The following UCHL3 variants were observed in gnomAD, a reference collection of about 807,000 sequenced individuals.
The protein encoded by UCHL3 is ubiquitin carboxyl-terminal hydrolase isozyme L3.
Under a neutral mutation model 35.8 loss-of-function variants are expected in UCHL3, and 22 were observed. The ratio of observed to expected loss-of-function variants is 0.61; its 90% CI spans 0.44 to 0.88. The LOEUF (loss-of-function observed/expected upper bound fraction) is 0.88, where lower values mean the gene tolerates loss of function less well. UCHL3 is among the 40% of genes least tolerant of loss of function. The probability of loss-of-function intolerance (pLI) is 0.00; values close to 1 mark genes in which losing one functional copy is unlikely to be tolerated. For missense variants in UCHL3, 229 were observed against 276.9 expected (o/e 0.83, Z 1.23); for synonymous variants, 90 against 92.8 (o/e 0.97, Z 0.17).
chr13:75,605,714 T>G lies in UCHL3; in HGVS notation c.610-15T>G. 6.2e-7 allele frequency: 1 copy of G among 1,610,340 alleles called. No homozygotes were observed. Among genetic ancestry groups the G allele is most frequent in the Non-Finnish European group, 8.5e-7 (1 of 1,178,482 alleles). On this transcript the variant is annotated splice_polypyrimidine_tract_variant and intron_variant, in intron 8 of 8. Transcript: ENST00000377595. The stretch of plus-strand genomic sequence containing the variant: ...TTTTACACTGAAAAATCATACTTTT[T>G]TTTTTCCTCCATAGGATGCCATAGA...
chr13:75,584,907 A>T (rs532564123), intron 6 of UCHL3, among the ~76,000 whole-genome samples: 55 of 152,258 alleles, frequency 3.6e-4, no homozygotes, highest in African/African-American at 1.1e-3. Context: ...AATTACCCAA[A>T]CTTACTCACA....
intron 5 of UCHL3, among the ~76,000 whole-genome samples, chr13:75,567,551 ATT>A (rs371007368): frequency 4.7e-5 from 7 of 148,060 alleles, no homozygotes; most frequent in Admixed American, 1.3e-4. Context: ...TGATTTACAA[ATT>A]TTTTTTTTTT....
intron 6 of UCHL3, chr13:75,590,333 C>A: frequency 1.4e-6 from 1 of 735,662 alleles, no homozygotes; most frequent in Non-Finnish European, 1.7e-6. Flanking sequence ...TCCATCTTTC[C>A]ACTCCATATC....
chr13:75,565,500 A>G lies in UCHL3; in HGVS notation c.184-1195A>G, dbSNP rs146744021. On this transcript the variant is annotated intron_variant, in intron 3 of 8. Coordinates refer to ENST00000377595, the MANE Select transcript of UCHL3 (RefSeq NM_006002.5). ...TTTCTTAACTACTTGTAGGTTTTCT[A>G]TAGACATCGTTTGTTTCTTTTATTG... Among the ~76,000 whole-genome samples, 250 of 152,330 alleles carry G rather than the reference A, an allele frequency of 1.6e-3. 1 individual carries two copies. The highest frequency in any genetic ancestry group is 5.6e-3 in the African/African-American group (232 of 41,574).
At chr13:75,589,779 T>C (rs1402945901) in intron 6 of UCHL3, among the ~76,000 whole-genome samples, 4 of 152,202 alleles carry the variant, frequency 2.6e-5, no homozygotes, top group Non-Finnish European at 5.9e-5. Context: ...TTTACCTGCT[T>C]TTAACCAATA....
intron 6 of UCHL3, among the ~76,000 whole-genome samples, chr13:75,588,284 T>C (rs986984034): frequency 1.3e-5 from 2 of 152,096 alleles, no homozygotes; most frequent in Admixed American, 6.6e-5. Flanking sequence ...TTTCCCTCTC[T>C]AGATTCTTAG....
intron 6 of UCHL3, among the ~76,000 whole-genome samples, chr13:75,587,791 A>G (rs1390451366): frequency 1.3e-5 from 2 of 152,152 alleles, no homozygotes; most frequent in Non-Finnish European, 2.9e-5. Flanking sequence ...CATTTCTCAC[A>G]GGTGTGTTTG....
intron 2 of UCHL3, among the ~76,000 whole-genome samples, chr13:75,559,610 G>C (rs1321340806): frequency 6.6e-6 from 1 of 152,118 alleles, no homozygotes; most frequent in African/African-American, 2.4e-5. Flanking sequence ...GTTTATATAC[G>C]TGTCATGGCT....
chr13:75,600,233 A>AT (rs1293787203), intron 7 of UCHL3, among the ~76,000 whole-genome samples: 1 of 152,238 alleles, frequency 6.6e-6, no homozygotes, highest in African/African-American at 2.4e-5. Context: ...GTGAAGCAGC[A>AT]TATGCTGATG....
intron 3 of UCHL3, among the ~76,000 whole-genome samples, chr13:75,563,138 T>C (rs969697299): frequency 7.6e-6 from 1 of 131,130 alleles, no homozygotes; most frequent in Non-Finnish European, 1.8e-5. Flanking sequence ...TATGTATGTA[T>C]GTATGTATGT....
At position 75,550,053 on chromosome 13, in the gene UCHL3, T is replaced by G. The variant is rs1368387598; in HGVS notation, c.54+66T>G. The G allele has an allele frequency of 1.9e-6, 3 of 1,607,582 alleles. No individual in the cohort carries two copies. In the African/African-American group the frequency reaches 4.0e-5, roughly 21 times the overall value. ...CTGTCTGCTCGGTCCGCTTCCCTGC[T>G]GGACTCCACCTCCACGCTTCCAGGG... On this transcript the variant is annotated intron_variant, in intron 2 of 8. Coordinates refer to ENST00000377595, the MANE Select transcript of UCHL3 (RefSeq NM_006002.5).
chr13:75,590,643 A>G (rs1437792772), intron 6 of UCHL3, among the ~76,000 whole-genome samples: 1 of 151,980 alleles, frequency 6.6e-6, no homozygotes, highest in Non-Finnish European at 1.5e-5. Flanking sequence ...GTTTCATCTA[A>G]GCTATTATTT....
In UCHL3 at chr13:75,566,817, T is replaced by C. The variant is rs961026435; in HGVS notation, c.306T>C (p.His102=). 6 of 1,605,760 alleles carry C rather than the reference T, an allele frequency of 3.7e-6. No individual in the cohort carries two copies. In the African/African-American group the frequency reaches 8.1e-5, roughly 22 times the overall value. ...CCTGTGGAACAATTGGACTGATTCA[T>C]GCTATTGCAAACAATAAAGACAAGA... ...SNACGTIGLI[H]AIANNKDKMH... The change falls in exon 4 of 9, where the codon CAT becomes CAC. Residue 102 remains histidine (H), a synonymous_variant. Transcript: ENST00000377595.
intron 2 of UCHL3, among the ~76,000 whole-genome samples, chr13:75,557,983 T>C (rs573631153): frequency 6.7e-6 from 1 of 149,510 alleles, no homozygotes; most frequent in African/African-American, 2.5e-5. Flanking sequence ...TTTGAAGACG[T>C]GAGTGGTAAA....
At chr13:75,592,666 G>A (rs9530447) in intron 6 of UCHL3, among the ~76,000 whole-genome samples, 120,625 of 150,642 alleles carry the variant, frequency 0.8, 49,024 homozygotes, top group Middle Eastern at 0.91. Flanking sequence ...CTGAAGGAAA[G>A]GGCTTATCAC....
chr13:75,578,857 T>A (rs927340386), intron 6 of UCHL3, among the ~76,000 whole-genome samples: 1 of 152,042 alleles, frequency 6.6e-6, no homozygotes, highest in Non-Finnish European at 1.5e-5. Context: ...AAGATACATG[T>A]GTGTGTTTGT....
intron 6 of UCHL3, among the ~76,000 whole-genome samples, chr13:75,572,480 G>A (rs1440963286): frequency 6.6e-6 from 1 of 152,116 alleles, no homozygotes; most frequent in Non-Finnish European, 1.5e-5. Flanking sequence ...GGAACCAATG[G>A]CGCCTTAGTG....
chr13:75,583,115 C>G (rs1315108783), intron 6 of UCHL3, among the ~76,000 whole-genome samples: 1 of 152,138 alleles, frequency 6.6e-6, no homozygotes, highest in Non-Finnish European at 1.5e-5. Flanking sequence ...AATGTTTTAA[C>G]ATTTTGACAT....
At chr13:75,572,308 T>C (rs918771561) in intron 6 of UCHL3, among the ~76,000 whole-genome samples, 1 of 152,230 alleles carries the variant, frequency 6.6e-6, no homozygotes, top group Non-Finnish European at 1.5e-5. Flanking sequence ...ATATGACTAC[T>C]CCAACTATTT....
Sources: gnomAD v4.1 joint callset for allele counts (sites outside exome capture counted in the v4.1 genomes callset) on GRCh38, gnomAD v4.1.1 for gene constraint, MANE v1.5 for transcripts, NCBI Gene and HGNC (gene_info 2026-07-23, HGNC 2026-07-21) for gene names.